TASP1: variants seen among roughly 807,000 people sequenced by gnomAD.
TASP1 encodes the protein taspase 1.
A neutral mutation model predicts 56.6 loss-of-function variants in TASP1; 16 were observed. That is an observed-to-expected ratio of 0.28 (90% confidence interval 0.19 to 0.43). The LOEUF is 0.43. TASP1 is among the 20% of genes least tolerant of loss of function. The pLI is 1.00. For synonymous variants in TASP1, 179 were observed against 184.2 expected (o/e 0.97, Z 0.23); for missense variants, 393 against 511.6 (o/e 0.77, Z 2.24).
intron 8 of TASP1, among the ~76,000 whole-genome samples, chr20:13,555,367 G>A (rs900260597): frequency 3.0e-5 from 3 of 98,394 alleles, no homozygotes; most frequent in South Asian, 3.4e-4. Flanking sequence ...CTGAGCAACA[G>A]ATCAAGACTC....
chr20:13,294,079 G>A, the TASP1 span, among the ~76,000 whole-genome samples: 5 of 152,174 alleles, frequency 3.3e-5, no homozygotes, highest in Non-Finnish European at 7.3e-5. Flanking sequence ...TTTATCCAAA[G>A]GGTCGGCCAT....
At chr20:13,358,158 C>T in the TASP1 span, among the ~76,000 whole-genome samples, 3 of 152,204 alleles carry the variant, frequency 2.0e-5, no homozygotes, top group Non-Finnish European at 4.4e-5. Flanking sequence ...GAGAACAAAC[C>T]CCCTTTGACT....
In TASP1 at chr20:13,435,123, C is replaced by T. The variant is rs767196199; in HGVS notation, c.1017G>A (p.Val339=). The T allele has an allele frequency of 1.2e-6, 2 of 1,608,684 alleles. No individual in the cohort carries two copies. The highest frequency in any genetic ancestry group is 4.5e-5 in the East Asian group (2 of 44,516). The part of the protein sequence containing the change: ...SSPFLASEDG[V]LGGVIVLRSC... ...AACGGAGGACAATCACTCCGCCAAG[C>T]ACGCCATCTTCACTGGCAAGGAAAG... Residue 339 remains valine (V), a synonymous_variant, in exon 12 of 14, where the codon GTG becomes GTA. Coordinates refer to ENST00000337743, the MANE Select transcript of TASP1 (RefSeq NM_017714.3).
At chr20:13,213,661 C>T in the TASP1 span, among the ~76,000 whole-genome samples, 1 of 152,158 alleles carries the variant, frequency 6.6e-6, no homozygotes, top group Non-Finnish European at 1.5e-5. Context: ...AGATAGCCAA[C>T]ACACCAACAT....
At chr20:13,471,201 G>T (rs899511138) in intron 11 of TASP1, among the ~76,000 whole-genome samples, 1 of 152,160 alleles carries the variant, frequency 6.6e-6, no homozygotes, top group African/African-American at 2.4e-5. Context: ...GGTGGACAGG[G>T]AAAGCTTCTT....
At chr20:13,198,792 G>T in the TASP1 span, among the ~76,000 whole-genome samples, 2 of 114,038 alleles carry the variant, frequency 1.8e-5, no homozygotes, top group African/African-American at 3.5e-5. Context: ...TTCTTTCTTT[G>T]TCTTTCTTTC....
At chr20:13,540,315 T>G (rs1424490292) in intron 8 of TASP1, among the ~76,000 whole-genome samples, 1 of 152,170 alleles carries the variant, frequency 6.6e-6, no homozygotes, top group Non-Finnish European at 1.5e-5. Context: ...AATCACAATT[T>G]TATAATTCTA....
At chr20:13,108,725 C>A in the TASP1 span, among the ~76,000 whole-genome samples, 1 of 152,140 alleles carries the variant, frequency 6.6e-6, no homozygotes, top group African/African-American at 2.4e-5. Flanking sequence ...GAGGTGCCTA[C>A]CACCATACCC....
chr20:13,433,520 C>CAAAAAAAAAAAAAAAAAAAAAATAAAAA (rs74746255), intron 12 of TASP1, among the ~76,000 whole-genome samples: 1 of 89,214 alleles, frequency 1.1e-5, no homozygotes, highest in Non-Finnish European at 2.1e-5. Context: ...GACAGTATGG[C>CAAAAAAAAAAAAAAAAAAAAAATAAAAA]AAAAAAAAAA....
At chr20:13,358,226 G>T in the TASP1 span, among the ~76,000 whole-genome samples, 1 of 151,956 alleles carries the variant, frequency 6.6e-6, no homozygotes, top group Non-Finnish European at 1.5e-5. Context: ...ATCTCCCTTC[G>T]CTGACTTTCT....
At chr20:13,234,728 T>C in the TASP1 span, among the ~76,000 whole-genome samples, 3 of 152,252 alleles carry the variant, frequency 2.0e-5, no homozygotes, top group Admixed American at 6.5e-5. Flanking sequence ...TTTTTTCATA[T>C]GTTTGTTGTC....
At chr20:13,334,903 G>A in the TASP1 span, among the ~76,000 whole-genome samples, 1 of 152,236 alleles carries the variant, frequency 6.6e-6, no homozygotes, top group South Asian at 2.1e-4. Context: ...TTTGGAAGGT[G>A]AGAAATGGAT....
At chr20:13,545,017 A>T (rs1202756946) in intron 8 of TASP1, among the ~76,000 whole-genome samples, 1 of 147,990 alleles carries the variant, frequency 6.8e-6, no homozygotes, top group African/African-American at 2.4e-5. Context: ...GTAATAAGTT[A>T]CCTTATTTAA....
At chr20:13,513,999 A>G (rs1433459673) in intron 10 of TASP1, among the ~76,000 whole-genome samples, 1 of 152,164 alleles carries the variant, frequency 6.6e-6, no homozygotes, top group African/African-American at 2.4e-5. Context: ...TTGCATGAGA[A>G]GGAAAGCATA....
intron 10 of TASP1, among the ~76,000 whole-genome samples, chr20:13,519,241 T>A (rs115049355): frequency 2.1e-3 from 322 of 152,236 alleles, no homozygotes; most frequent in African/African-American, 7.2e-3. Context: ...ACTCATGACC[T>A]GGGTGATAGG....
intron 8 of TASP1, among the ~76,000 whole-genome samples, chr20:13,554,603 T>C (rs1336320069): frequency 6.6e-6 from 1 of 152,144 alleles, no homozygotes; most frequent in Admixed American, 6.5e-5. Flanking sequence ...TTGGAAATAG[T>C]GCAGGTTTCG....
chr20:13,606,870 C>T (rs1008151042), intron 4 of TASP1, among the ~76,000 whole-genome samples: 1 of 151,242 alleles, frequency 6.6e-6, no homozygotes, highest in Non-Finnish European at 1.5e-5. Flanking sequence ...TAAGGCAATG[C>T]CTGGCACATG....
the TASP1 span, among the ~76,000 whole-genome samples, chr20:13,314,622 C>T: frequency 0.12 from 17,540 of 151,774 alleles, 1,172 homozygotes; most frequent in Admixed American, 0.18. Context: ...GCAAGAAATG[C>T]TAAAAGAAAT....
rs183525359 is a variant in TASP1 at position 13,472,141 on chromosome 20, G to A, written c.985+11086C>T. ...GTACTGGTGCCAAAACAGATATACC[G>A]ACCAACGGAACAGAACAGGGGACTC... On this transcript the variant is annotated intron_variant, in intron 11 of 13. Transcript: ENST00000337743. Among the ~76,000 whole-genome samples the A allele has an allele frequency of 2.5e-4, 37 of 150,814 alleles. 2 individuals carry two copies. The East Asian group carries it at 5.4e-3, about 22-fold the overall frequency.
Sources: allele counts gnomAD v4.1 joint callset (sites outside exome capture counted in the v4.1 genomes callset), GRCh38; gene constraint gnomAD v4.1.1; transcripts MANE v1.5; gene names NCBI Gene and HGNC (gene_info 2026-07-23, HGNC 2026-07-21).